The following ZNF444 variants were observed in gnomAD, a reference collection of about 807,000 sequenced individuals.
The protein encoded by ZNF444 is zinc finger protein 444.
A neutral mutation model predicts 14.4 loss-of-function variants in ZNF444; 8 were observed. The observed-to-expected ratio is 0.56, with a 90% CI of 0.33 to 1.00. The LOEUF (loss-of-function observed/expected upper bound fraction) is 1.00, where lower values mean the gene tolerates loss of function less well. Ranked by LOEUF, ZNF444 falls within the 50% of genes least tolerant of loss-of-function variation. The probability of loss-of-function intolerance (pLI) is 0.03; values close to 1 mark genes in which losing one functional copy is unlikely to be tolerated. For missense variants in ZNF444, 510 were observed against 504.8 expected (o/e 1.01, Z -0.10); for synonymous variants, 258 against 235.9 (o/e 1.09, Z -0.86).
At position 56,144,978 on chromosome 19, in the gene ZNF444, CTG is replaced by C. The variant is rs2031079683; in HGVS notation, c.-196-1266_-196-1265del. 6.6e-6 allele frequency among the ~76,000 whole-genome samples: 1 copy of C among 152,244 alleles called. No homozygotes were observed. The highest frequency in any genetic ancestry group is 1.9e-4 in the East Asian group (1 of 5,188). On this transcript the variant is annotated intron_variant, in intron 1 of 4. Transcript: ENST00000337080. The surrounding 1 kb of genome is among the most constrained non-coding windows in gnomAD (Gnocchi z 4.0). The stretch of plus-strand genomic sequence containing the variant: ...AGCCAGCGAGTGACTATCTTTGGCT[CTG>C]TGGACAGCCTTACAGGCCACCCAGG...
intron 3 of ZNF444, chr19:56,156,694 CAA>C (rs1404079417): frequency 6.6e-6 from 1 of 152,284 alleles, no homozygotes; most frequent in Non-Finnish European, 1.5e-5. Flanking sequence ...AAGACCGTAA[CAA>C]GGGCTGTGGG....
chr19:56,148,334 G>C (rs1449022551), intron 3 of ZNF444, among the ~76,000 whole-genome samples: 1 of 152,168 alleles, frequency 6.6e-6, no homozygotes, highest in East Asian at 1.9e-4. Flanking sequence ...TTGCGGCCAG[G>C]CCTGAGTCCC....
chr19:56,159,745 G>C lies in ZNF444; in HGVS notation c.528G>C (p.Pro176=), dbSNP rs776280033. The change falls in exon 5 of 5, where the codon CCG becomes CCC. Residue 176 remains proline (P), a synonymous_variant. Coordinates refer to ENST00000337080, the MANE Select transcript of ZNF444 (RefSeq NM_018337.4). ...APGLPAFLAA[P]GTTSCPECGK... Reference sequence around the variant, plus strand: ...GCCTGCCCGCCTTCCTAGCGGCCCCGGGCACCACGTCCTGCCCCGAGTGCG... The same window carrying C: ...GCCTGCCCGCCTTCCTAGCGGCCCCCGGCACCACGTCCTGCCCCGAGTGCG... 43 of 1,586,508 alleles carry C rather than the reference G, an allele frequency of 2.7e-5. No homozygotes were observed. Among genetic ancestry groups the C allele is most frequent in the Non-Finnish European group, 3.7e-5 (43 of 1,170,602 alleles).
intron 1 of ZNF444, among the ~76,000 whole-genome samples, chr19:56,134,590 C>T (rs1187084066): frequency 2.0e-5 from 3 of 152,048 alleles, no homozygotes; most frequent in Non-Finnish European, 2.9e-5. Context: ...GAGGAGGGGA[C>T]GTCTGATCAC....
In ZNF444 at chr19:56,160,336, G is replaced by A; in HGVS notation, c.*135G>A. On this transcript the variant is annotated 3_prime_UTR_variant, in exon 5 of 5. Transcript: ENST00000337080. ...TCCTCCACCTGCGCCTCCCTTGTCT[G>A]AACTTCCCAACGCCTTCCTATTCCT... 6 of 688,866 alleles carry A rather than the reference G, an allele frequency of 8.7e-6. No individual in the cohort carries two copies. The South Asian group carries it at 1.2e-4, about 13-fold the overall frequency. The allele number at this position is 688,866 out of a possible 1,614,324, so 42.7% of individuals were successfully genotyped here. A position where few individuals can be genotyped will look rare whatever the true frequency, so the allele number is the denominator to read the frequency against.
chr19:56,134,715 CT>C (rs1839107351), intron 1 of ZNF444, among the ~76,000 whole-genome samples: 1 of 152,054 alleles, frequency 6.6e-6, no homozygotes, highest in African/African-American at 2.4e-5. Context: ...ACATTAGGAC[CT>C]GTCCTAAACG....
chr19:56,152,661 A>T (rs932858332), intron 3 of ZNF444, among the ~76,000 whole-genome samples: 1 of 151,900 alleles, frequency 6.6e-6, no homozygotes, highest in African/African-American at 2.4e-5. Context: ...AAACAACGGG[A>T]ATGTATTTCT....
chr19:56,156,463 C>T (rs73934744), intron 3 of ZNF444: 16,238 of 152,182 alleles, frequency 0.11, 1,823 homozygotes, highest in African/African-American at 0.29. Flanking sequence ...GCTTTCTTTC[C>T]TCCAGGGTAG....
Position 56,147,795 on chromosome 19 carries a change from G to A in ZNF444, c.297+587G>A, listed in dbSNP as rs984217068. ...CCTTATCATGCGTGAGGCTCCAAGG[G>A]CTCAGAGATGACTTCCCAGGGGCAG... On this transcript the variant is annotated intron_variant, in intron 3 of 4. Coordinates refer to ENST00000337080, the MANE Select transcript of ZNF444 (RefSeq NM_018337.4). This position sits in a 1 kb window ranked among gnomAD's most constrained non-coding sequence, Gnocchi z 5.9. 5.9e-5 allele frequency among the ~76,000 whole-genome samples: 9 copies of A among 152,242 alleles called. No homozygotes were observed. In the East Asian group the frequency reaches 1.7e-3, roughly 29 times the overall value.
Position 56,159,644 on chromosome 19 carries a change from G to A in ZNF444, c.427G>A (p.Glu143Lys). 1 of 1,453,780 alleles carries A rather than the reference G, an allele frequency of 6.9e-7. No homozygotes were observed. The highest frequency in any genetic ancestry group is 9.0e-7 in the Non-Finnish European group (1 of 1,107,830). 90.1% of individuals were successfully genotyped at this position (1,453,780 alleles called of 1,614,324 possible). A position where few individuals can be genotyped will look rare whatever the true frequency, so the allele number is the denominator to read the frequency against. ...IPLAGTAPGAEGPAPGDSQAV... is the reference protein window; with the variant it reads ...IPLAGTAPGAKGPAPGDSQAV... ...CCCAGCAGGCACCGCCCCTGGGGCT[G>A]AGGGGCCGGCGCCTGGGGACTCCCA... The change falls in exon 5 of 5, where the codon GAG becomes AAG. Residue 143 changes from glutamate (E) to lysine (K), a missense_variant. Glu to Lys is a moderately conservative substitution (Grantham distance 56). Transcript: ENST00000337080.
Position 56,132,935 on chromosome 19 carries a change from C to CTTTTTTTTTTTT in ZNF444, c.-197+166_-197+177dup, listed in dbSNP as rs61365745. 1.3e-3 allele frequency among the ~76,000 whole-genome samples: 122 copies of CTTTTTTTTTTTT among 94,284 alleles called. 2 individuals carry two copies. Among genetic ancestry groups the CTTTTTTTTTTTT allele is most frequent in the Non-Finnish European group, 1.5e-3 (78 of 52,598 alleles). 61.9% of individuals were successfully genotyped at this position (94,284 alleles called of 152,430 possible). A position where few individuals can be genotyped will look rare whatever the true frequency, so the allele number is the denominator to read the frequency against. On this transcript the variant is annotated intron_variant, in intron 1 of 2. Coordinates refer to the ZNF444 transcript ENST00000587467. The stretch of plus-strand genomic sequence containing the variant: ...TTTCTTTTTCTTTCTTTCTTTCTTT[C>CTTTTTTTTTTTT]TTTTTTTTTTTTTTTTTTTTGAGAC...
chr19:56,134,147 C>G (rs372891708), intron 1 of ZNF444, among the ~76,000 whole-genome samples: 4 of 152,116 alleles, frequency 2.6e-5, no homozygotes, highest in Admixed American at 2.0e-4. Context: ...AAACCCAACC[C>G]GAGCCTCCAG....
At position 56,160,186 on chromosome 19, in the gene ZNF444, C is replaced by T. The variant is rs1256160788; in HGVS notation, c.969C>T (p.Pro323=). Reference sequence around the variant, plus strand: ...CGGATGGTGGAGGCCCCTTCCCGCCCTGGCCCTTGGGTTAGCCGCCTCCCG... The same window carrying T: ...CGGATGGTGGAGGCCCCTTCCCGCCTTGGCCCTTGGGTTAGCCGCCTCCCG... ...PGPDGGGPFP[P]WPLG The change falls in exon 5 of 5, where the codon CCC becomes CCT. Residue 323 remains proline, a synonymous_variant. Transcript: ENST00000337080. The T allele has an allele frequency of 1.4e-6, 2 of 1,464,596 alleles. No homozygotes were observed. Among genetic ancestry groups the T allele is most frequent in the South Asian group, 2.7e-5 (2 of 75,176 alleles). 90.7% of individuals were successfully genotyped at this position (1,464,596 alleles called of 1,614,324 possible).
At position 56,160,420 on chromosome 19, in the gene ZNF444, C is replaced by A. The variant is rs373873984; in HGVS notation, c.*219C>A. On this transcript the variant is annotated 3_prime_UTR_variant, in exon 5 of 5. Coordinates refer to ENST00000337080, the MANE Select transcript of ZNF444 (RefSeq NM_018337.4). ...TTCTCAGGTCTCACCTCAGCCCCCC[C>A]CTTCTCCCTGATTTCTCGGCCTCTC... 61 of 482,256 alleles carry A rather than the reference C, an allele frequency of 1.3e-4. No individual in the cohort carries two copies. Among genetic ancestry groups the A allele is most frequent in the East Asian group, 1.1e-3 (31 of 27,268 alleles). The allele number at this position is 482,256 out of a possible 1,614,324, so 29.9% of individuals were successfully genotyped here.
chr19:56,135,728 C>T (rs754260949), intron 1 of ZNF444, among the ~76,000 whole-genome samples: 10 of 151,408 alleles, frequency 6.6e-5, no homozygotes, highest in African/African-American at 2.2e-4. Context: ...CATATGTGAG[C>T]GTCAACCAAT....
chr19:56,135,148 A>G (rs981791011), intron 1 of ZNF444, among the ~76,000 whole-genome samples: 1 of 152,016 alleles, frequency 6.6e-6, no homozygotes, highest in South Asian at 2.1e-4. Context: ...GGAGAATGGC[A>G]TGAACCCAGG....
At chr19:56,159,338 CCATTCAT>C (rs1220809368) in intron 4 of ZNF444, among the ~76,000 whole-genome samples, 63 of 152,106 alleles carry the variant, frequency 4.1e-4, no homozygotes, top group Admixed American at 3.3e-4. Flanking sequence ...CATCATCGGT[CCATTCAT>C]CACCCATCAT....
intron 1 of ZNF444, among the ~76,000 whole-genome samples, chr19:56,136,158 C>T (rs2030606751): frequency 6.6e-6 from 1 of 151,350 alleles, no homozygotes; most frequent in Non-Finnish European, 1.5e-5. Context: ...TAACCACGCT[C>T]ACCCCCAATC....
chr19:56,160,299 C>G lies in ZNF444; in HGVS notation c.*98C>G, dbSNP rs2032214400. 3 of 996,338 alleles carry G rather than the reference C, an allele frequency of 3.0e-6. No individual in the cohort carries two copies. The highest frequency in any genetic ancestry group is 2.7e-6 in the Non-Finnish European group (2 of 732,256). 61.7% of individuals were successfully genotyped at this position (996,338 alleles called of 1,614,324 possible). On this transcript the variant is annotated 3_prime_UTR_variant, in exon 5 of 5. Transcript: ENST00000337080. ...CTTGGCCTCTTCCTCTCCTCCTTCC[C>G]TCCCATCGTCCTCCTCCACCTGCGC...
Sources: allele counts gnomAD v4.1 joint callset (sites outside exome capture counted in the v4.1 genomes callset), GRCh38; gene constraint gnomAD v4.1.1; non-coding constraint Gnocchi (gnomAD v3.1); transcripts MANE v1.5; gene names NCBI Gene and HGNC (gene_info 2026-07-23, HGNC 2026-07-21).